The following FRMD6 variants were observed in gnomAD, a reference collection of about 807,000 sequenced individuals.
FRMD6 encodes the protein FERM domain containing 6.
In FRMD6, 37 loss-of-function variants were observed where a neutral mutation model predicts 73.2. The observed-to-expected ratio is 0.51, with a 90% CI of 0.39 to 0.66. The LOEUF is 0.66. FRMD6 is among the 30% of genes least tolerant of loss of function. The probability of loss-of-function intolerance (pLI) is 0.00; values close to 1 mark genes in which losing one functional copy is unlikely to be tolerated. For synonymous variants in FRMD6, 273 were observed against 282.2 expected (o/e 0.97, Z 0.33); for missense variants, 714 against 780.5 (o/e 0.91, Z 1.02).
At chr14:51,596,858 C>G (rs2139774462) in intron 2 of FRMD6, among the ~76,000 whole-genome samples, 1 of 152,324 alleles carries the variant, frequency 6.6e-6, no homozygotes, top group East Asian at 1.9e-4. Flanking sequence ...ATGACCAGCT[C>G]ATCCAAGGCA....
intron 6 of FRMD6, 75 bp downstream of exon 6, chr14:51,705,010 C>T (rs1896540756): frequency 7.5e-7 from 1 of 1,328,188 alleles, no homozygotes; most frequent in Non-Finnish European, 1.0e-6. Context: ...TACTCATACT[C>T]TTTAAGAAAT....
chr14:51,416,810 G>A, the FRMD6 span, among the ~76,000 whole-genome samples: 1 of 152,132 alleles, frequency 6.6e-6, no homozygotes, highest in Admixed American at 6.5e-5. Context: ...AGGTCTCTAA[G>A]GACTTGCTTT....
At chr14:51,457,875 A>G in the FRMD6 span, among the ~76,000 whole-genome samples, 2 of 152,194 alleles carry the variant, frequency 1.3e-5, no homozygotes, top group Non-Finnish European at 2.9e-5. Flanking sequence ...ATGCCTTAAC[A>G]TAGAATGGAT....
At chr14:51,654,254 T>C (rs1045426828) in intron 1 of FRMD6, among the ~76,000 whole-genome samples, 1 of 147,578 alleles carries the variant, frequency 6.8e-6, no homozygotes, top group Admixed American at 6.7e-5. Flanking sequence ...GGTAGCGGTT[T>C]TTAGTTACAA....
chr14:51,556,401 A>G (rs1342932070), intron 1 of FRMD6, among the ~76,000 whole-genome samples: 1 of 152,206 alleles, frequency 6.6e-6, no homozygotes, highest in Non-Finnish European at 1.5e-5. Context: ...GCCCCAGTTT[A>G]CTTTGTAGAA....
chr14:51,624,660 CGAGTGGACAA>C (rs1444842918), intron 2 of FRMD6, among the ~76,000 whole-genome samples: 3 of 152,116 alleles, frequency 2.0e-5, no homozygotes, highest in Admixed American at 2.0e-4. Flanking sequence ...CTCTGCTTAG[CGAGTGGACAA>C]GAGTGTCATC....
At chr14:51,606,804 C>T (rs929887955) in intron 2 of FRMD6, among the ~76,000 whole-genome samples, 2 of 152,136 alleles carry the variant, frequency 1.3e-5, no homozygotes, top group South Asian at 2.1e-4. Context: ...CCTAGCATGG[C>T]TCAGCCCAAG....
chr14:51,590,097 A>G (rs1889306159), intron 2 of FRMD6, among the ~76,000 whole-genome samples: 1 of 151,300 alleles, frequency 6.6e-6, no homozygotes, highest in East Asian at 1.9e-4. Flanking sequence ...CAGGTAAGTG[A>G]GAATTTTTTA....
chr14:51,475,111 GCT>G, the FRMD6 span, among the ~76,000 whole-genome samples: 3 of 152,100 alleles, frequency 2.0e-5, no homozygotes, highest in Non-Finnish European at 4.4e-5. Context: ...GCCAAGACAT[GCT>G]CTCTCTCTTA....
At chr14:51,651,421 C>G (rs1397044976), upstream of FRMD6, 1 of 152,310 alleles carries the variant, frequency 6.6e-6, no homozygotes, top group African/African-American at 2.4e-5. Context: ...GACACTCAGG[C>G]CAAACAGCCG....
rs546766615 is a variant in FRMD6, at chr14:51,689,693, A to G, written c.-144A>G. The G allele has an allele frequency of 8.4e-5, 54 of 641,520 alleles. No homozygotes were observed. The South Asian group carries it at 8.7e-4, about 10-fold the overall frequency. The allele number at this position is 641,520 out of a possible 1,614,324, so 39.7% of individuals were successfully genotyped here. A position where few individuals can be genotyped will look rare whatever the true frequency, so the allele number is the denominator to read the frequency against. On this transcript the variant is annotated splice_region_variant and 5_prime_UTR_variant, in exon 2 of 14. An upstream start codon of the reference 5' UTR is lost. Transcript: ENST00000344768. ...TCTCCCCTTTGGCTTTTTCACAGCT[A>G]TGAAACCCACGTAGTCGAACACCGT...
chr14:51,637,465 G>GCACACACACACACACACACACA (rs113564495), intron 2 of FRMD6: 1 of 132,566 alleles, frequency 7.5e-6, no homozygotes, highest in African/African-American at 2.9e-5. Flanking sequence ...ATACACACAG[G>GCACACACACACACACACACACA]CACACACACA....
At chr14:51,480,822 T>C in the FRMD6 span, among the ~76,000 whole-genome samples, 1 of 152,190 alleles carries the variant, frequency 6.6e-6, no homozygotes, top group Non-Finnish European at 1.5e-5. Flanking sequence ...GCCTGGCAAA[T>C]ATTAGATATT....
chr14:51,598,502 C>T (rs10129339), intron 2 of FRMD6, among the ~76,000 whole-genome samples: 74,957 of 151,962 alleles, frequency 0.49, 18,774 homozygotes, highest in African/African-American at 0.56. Flanking sequence ...ATGAATGATC[C>T]CATCACCCAG....
the FRMD6 span, among the ~76,000 whole-genome samples, chr14:51,470,518 A>C: frequency 4.9e-4 from 74 of 150,568 alleles, no homozygotes; most frequent in Admixed American, 1.2e-3. Context: ...CCAAAAAAAA[A>C]CCAGCTTTTG....
chr14:51,646,861 T>C (rs1482772514), intron 2 of FRMD6, among the ~76,000 whole-genome samples: 1 of 151,986 alleles, frequency 6.6e-6, no homozygotes, highest in Non-Finnish European at 1.5e-5. Flanking sequence ...GCCTTGCCGC[T>C]ATGCCTTTCA....
chr14:51,654,145 T>TA (rs2140111954), intron 1 of FRMD6, among the ~76,000 whole-genome samples: 2 of 152,188 alleles, frequency 1.3e-5, no homozygotes, highest in East Asian at 3.9e-4. Context: ...AATTTGAACT[T>TA]AGAGATTTAA....
chr14:51,676,117 A>G (rs1167511999), intron 1 of FRMD6, among the ~76,000 whole-genome samples: 1 of 152,136 alleles, frequency 6.6e-6, no homozygotes, highest in African/African-American at 2.4e-5. Flanking sequence ...AATATAATTT[A>G]GGAAGAAAAA....
At chr14:51,678,136 G>A (rs899890651) in intron 1 of FRMD6, among the ~76,000 whole-genome samples, 3 of 152,128 alleles carry the variant, frequency 2.0e-5, no homozygotes, top group Non-Finnish European at 4.4e-5. Flanking sequence ...AGTATGTACT[G>A]TTATAATTTC....
Sources: allele counts gnomAD v4.1 joint callset (sites outside exome capture counted in the v4.1 genomes callset), GRCh38; gene constraint gnomAD v4.1.1; transcripts MANE v1.5; gene names NCBI Gene and HGNC (gene_info 2026-07-23, HGNC 2026-07-21).